Variants in TAFA4 observed in about 807,000 individuals in gnomAD.
TAFA4 encodes TAFA chemokine like family member 4, also known as chemokine-like protein TAFA-4.
A neutral mutation model predicts 21.1 loss-of-function variants in TAFA4; 20 were observed. The observed-to-expected ratio is 0.95, with a 90% CI of 0.67 to 1.38. The LOEUF (loss-of-function observed/expected upper bound fraction) is 1.38. Among genes scored for constraint, TAFA4 ranks in the 40% most tolerant of loss-of-function variants. TAFA4 has a pLI of 0.00. For missense variants in TAFA4, 211 were observed against 180.9 expected (o/e 1.17, Z -0.95); for synonymous variants, 71 against 67.4 (o/e 1.05, Z -0.26).
Position 68,856,151 on chromosome 3 carries a change from C to T in TAFA4, c.130+24579G>A, listed in dbSNP as rs562943503. ...AAAACATGCTGATTTGGTTAAACTA[C>T]TCAGTTGATTCCATGCAGATGAACA... On this transcript the variant is annotated intron_variant, in intron 3 of 5. Transcript: ENST00000295569. Among the ~76,000 whole-genome samples, 95 of 152,240 alleles carry T rather than the reference C, an allele frequency of 6.2e-4. 1 individual carries two copies. The South Asian group carries it at 0.019, about 31-fold the overall frequency.
At chr3:68,758,359 G>C (rs1702698868) in intron 3 of TAFA4, among the ~76,000 whole-genome samples, 1 of 152,176 alleles carries the variant, frequency 6.6e-6, no homozygotes, top group Non-Finnish European at 1.5e-5. Context: ...GTCATGGGAG[G>C]GACCTGATGG....
At chr3:68,815,354 ACTACCAT>A (rs1703947270) in intron 3 of TAFA4, among the ~76,000 whole-genome samples, 1 of 152,226 alleles carries the variant, frequency 6.6e-6, no homozygotes, top group African/African-American at 2.4e-5. Flanking sequence ...AGCAAAAGAA[ACTACCAT>A]CAGAGTGAAC....
At chr3:68,899,102 T>A (rs903012064) in intron 1 of TAFA4, among the ~76,000 whole-genome samples, 2 of 152,190 alleles carry the variant, frequency 1.3e-5, no homozygotes, top group Non-Finnish European at 2.9e-5. Flanking sequence ...ATCACATAAA[T>A]TTCAGCCACA....
At chr3:68,844,902 T>C (rs1244196402) in intron 3 of TAFA4, among the ~76,000 whole-genome samples, 1 of 152,228 alleles carries the variant, frequency 6.6e-6, no homozygotes, top group African/African-American at 2.4e-5. Context: ...ATGATTTCCA[T>C]TCTTTTGCAT....
At chr3:68,919,959 C>T (rs1054499294) in intron 1 of TAFA4, among the ~76,000 whole-genome samples, 1 of 152,154 alleles carries the variant, frequency 6.6e-6, no homozygotes, top group Non-Finnish European at 1.5e-5. Flanking sequence ...TAGAAAAATG[C>T]AAACACATGG....
At chr3:68,862,550 G>T (rs981359334) in intron 3 of TAFA4, among the ~76,000 whole-genome samples, 1 of 151,962 alleles carries the variant, frequency 6.6e-6, no homozygotes, top group South Asian at 2.1e-4. Context: ...GATAGTCATC[G>T]ACAGAGATTC....
At chr3:68,870,299 A>G (rs2089467938) in intron 3 of TAFA4, among the ~76,000 whole-genome samples, 1 of 152,126 alleles carries the variant, frequency 6.6e-6, no homozygotes, top group African/African-American at 2.4e-5. Flanking sequence ...GATTCAATGC[A>G]ATCTCTATCA....
intron 3 of TAFA4, among the ~76,000 whole-genome samples, chr3:68,836,022 CA>C (rs1704514745): frequency 6.6e-6 from 1 of 152,188 alleles, no homozygotes; most frequent in Non-Finnish European, 1.5e-5. Context: ...AATATTATTA[CA>C]AAGAAACCTA....
intron 3 of TAFA4, among the ~76,000 whole-genome samples, chr3:68,754,311 C>T (rs1036741426): frequency 1.3e-5 from 2 of 152,216 alleles, no homozygotes; most frequent in African/African-American, 4.8e-5. Context: ...AACCAAGGTG[C>T]ATGCATTGCA....
intron 3 of TAFA4, among the ~76,000 whole-genome samples, chr3:68,875,802 A>G (rs2089543093): frequency 6.6e-6 from 1 of 152,190 alleles, no homozygotes; most frequent in Admixed American, 6.5e-5. Context: ...GCTCTTGCAG[A>G]GAATAACAGC....
intron 4 of TAFA4, among the ~76,000 whole-genome samples, chr3:68,741,032 TACTGTTTTGGTA>T (rs1161130682): frequency 6.6e-5 from 10 of 152,238 alleles, no homozygotes. Context: ...GCCAGTGCCA[TACTGTTTTGGTA>T]ACTATAGCTT....
At chr3:68,763,743 T>G (rs1028618571) in intron 3 of TAFA4, among the ~76,000 whole-genome samples, 1 of 152,080 alleles carries the variant, frequency 6.6e-6, no homozygotes, top group Non-Finnish European at 1.5e-5. Flanking sequence ...TGTTTACCAC[T>G]TTTTTTCTAA....
At chr3:68,869,442 C>A (rs542029816) in intron 3 of TAFA4, among the ~76,000 whole-genome samples, 4 of 151,970 alleles carry the variant, frequency 2.6e-5, no homozygotes, top group Non-Finnish European at 5.9e-5. Context: ...CTGATGAACA[C>A]AGATGTAAAC....
intron 1 of TAFA4, among the ~76,000 whole-genome samples, chr3:68,927,262 T>C (rs1294050150): frequency 6.6e-6 from 1 of 152,236 alleles, no homozygotes; most frequent in Non-Finnish European, 1.5e-5. Flanking sequence ...TGCAGACTTA[T>C]CAATATTTTC....
chr3:68,899,767 A>G (rs2089826175), intron 1 of TAFA4, among the ~76,000 whole-genome samples: 1 of 152,280 alleles, frequency 6.6e-6, no homozygotes, highest in Middle Eastern at 3.4e-3. Context: ...AAAACACAAG[A>G]GACTAGGGAG....
intron 3 of TAFA4, among the ~76,000 whole-genome samples, chr3:68,831,052 T>A (rs562817844): frequency 6.6e-6 from 1 of 152,348 alleles, no homozygotes; most frequent in African/African-American, 2.4e-5. Context: ...TAGATCTTCC[T>A]CCACCTCTTT....
intron 3 of TAFA4, among the ~76,000 whole-genome samples, chr3:68,792,409 C>T (rs1052270446): frequency 6.6e-6 from 1 of 152,086 alleles, no homozygotes; most frequent in Admixed American, 6.6e-5. Context: ...GAGGGACATA[C>T]TATGATTTCA....
At chr3:68,791,252 T>C (rs929230598) in intron 3 of TAFA4, among the ~76,000 whole-genome samples, 3 of 152,224 alleles carry the variant, frequency 2.0e-5, no homozygotes, top group African/African-American at 7.2e-5. Flanking sequence ...CCTTTCCATG[T>C]GTAATCAAGT....
At chr3:68,918,007 C>G (rs2090021642) in intron 1 of TAFA4, among the ~76,000 whole-genome samples, 1 of 152,092 alleles carries the variant, frequency 6.6e-6, no homozygotes, top group Admixed American at 6.5e-5. Flanking sequence ...ATTGGAAACT[C>G]CCATCAGTAC....
Sources: allele counts gnomAD v4.1 joint callset (sites outside exome capture counted in the v4.1 genomes callset), GRCh38; gene constraint gnomAD v4.1.1; transcripts MANE v1.5; gene names NCBI Gene and HGNC (gene_info 2026-07-23, HGNC 2026-07-21).